ZNF587: variants seen among roughly 807,000 people sequenced by gnomAD.
ZNF587 encodes the protein zinc finger protein 587, also known as zinc finger protein zfp6.
A neutral mutation model predicts 7.5 loss-of-function variants in ZNF587; 8 were observed. That is an observed-to-expected ratio of 1.06 (90% CI 0.62 to 1.92). ZNF587 has a LOEUF of 1.92. ZNF587 is among the 40% of genes most tolerant of loss of function. The pLI, the probability that ZNF587 is intolerant of heterozygous loss-of-function variation, is 0.00. For missense variants in ZNF587, 468 were observed against 692.8 expected (o/e 0.68, Z 3.64); for synonymous variants, 145 against 237.8 (o/e 0.61, Z 3.59).
intron 2 of ZNF587, chr19:57,858,339 C>G: frequency 1.5e-6 from 1 of 670,918 alleles, no homozygotes; most frequent in South Asian, 2.1e-5. Context: ...GTTGTTCATG[C>G]TGGTCTTGAA....
chr19:57,859,807 G>A lies in ZNF587; in HGVS notation c.1395G>A (p.Ala465=), dbSNP rs61735222. ...ERVHTGERPY[A]CEVCGKLFGN... Reference sequence around the variant, plus strand: ...TTCACACTGGAGAAAGGCCATATGCGTGTGAGGTATGTGGGAAATTATTTG... The same window carrying A: ...TTCACACTGGAGAAAGGCCATATGCATGTGAGGTATGTGGGAAATTATTTG... Residue 465 remains alanine, a synonymous_variant, in exon 3 of 3, where the codon GCG becomes GCA. Coordinates refer to ENST00000339656, the MANE Select transcript of ZNF587 (RefSeq NM_032828.4). 7,389 of 1,613,898 alleles carry A rather than the reference G, an allele frequency of 4.6e-3. 290 individuals are homozygous for A. In the African/African-American group the frequency reaches 0.087, roughly 19 times the overall value.
intron 1 of ZNF587, among the ~76,000 whole-genome samples, chr19:57,855,123 G>C (rs758945767): frequency 1.4e-4 from 21 of 152,002 alleles, no homozygotes; most frequent in Non-Finnish European, 4.4e-5. Context: ...GGCAGAGCTT[G>C]CACTGAGCTG....
chr19:57,859,521 A>G lies in ZNF587; in HGVS notation c.1109A>G (p.His370Arg), dbSNP rs753356793. 2 of 1,613,868 alleles carry G rather than the reference A, an allele frequency of 1.2e-6. No individual in the cohort carries two copies. Among genetic ancestry groups the G allele is most frequent in the Non-Finnish European group, 1.7e-6 (2 of 1,179,962 alleles). Residue 370 changes from histidine to arginine, a missense_variant, in exon 3 of 3, where the codon CAT becomes CGT. Physicochemically the swap from His to Arg is conservative, Grantham distance 29 (BLOSUM62 0). Transcript: ENST00000339656. ...CGTCAGAAGTTCTGCTTTATTAACC[A>G]TCAGCGTGTTCACACTGGAGAAAGG... ...SFRQKFCFINHQRVHTGERPY... is the reference protein window; with the variant it reads ...SFRQKFCFINRQRVHTGERPY...
At chr19:57,852,171 C>A in intron 1 of ZNF587, 1 of 393,390 alleles carries the variant, frequency 2.5e-6, no homozygotes, top group Admixed American at 4.4e-5. Context: ...ATCCGAGGAC[C>A]CTGGAGAATC....
rs912509249 is a variant in ZNF587 at position 57,863,236 on chromosome 19, G to C, written c.*3096G>C. ...GATTCAAGCACTTCTCCTTGCCTCA[G>C]CCACCTCTTTAGCTGGGATTACAGG... is the stretch of plus-strand genomic sequence containing the variant. On this transcript the variant is annotated 3_prime_UTR_variant, in exon 3 of 3. Transcript: ENST00000339656. 1 of 152,234 alleles carries C rather than the reference G, an allele frequency of 6.6e-6. No homozygotes were observed. Among genetic ancestry groups the C allele is most frequent in the African/African-American group, 2.4e-5 (1 of 41,430 alleles). The allele number at this position is 152,234 out of a possible 1,614,324, so 9.4% of individuals were successfully genotyped here. A position where few individuals can be genotyped will look rare whatever the true frequency, so the allele number is the denominator to read the frequency against.
intron 1 of ZNF587, among the ~76,000 whole-genome samples, chr19:57,852,541 C>T (rs11084520): frequency 0.99 from 149,434 of 150,384 alleles, 74,247 homozygotes; most frequent in African/African-American, 1. Context: ...TTTTTTTTTT[C>T]TTAACGTGGA....
At chr19:57,851,520 T>A (rs1432263650) in intron 1 of ZNF587, 1 of 153,376 alleles carries the variant, frequency 6.5e-6, no homozygotes, top group African/African-American at 2.4e-5. Flanking sequence ...CGGTTTCACC[T>A]GTTTCTGACA....
chr19:57,850,334 G>A, intron 1 of ZNF587: 1 of 632,822 alleles, frequency 1.6e-6, no homozygotes, highest in Non-Finnish European at 2.7e-6. Flanking sequence ...GGAGACAGGA[G>A]TTTTATTATT....
rs758312805 is a variant in ZNF587, at chr19:57,860,152, A to G, written c.*12A>G. The G allele has an allele frequency of 6.8e-6, 11 of 1,613,912 alleles. No individual in the cohort carries two copies. In the African/African-American group the frequency reaches 1.5e-4, roughly 22 times the overall value. ...GAAAGGCCTTATGAGTGCAGTGAAT[A>G]TGGGAAATCGTTTGCTGAAGCATCC... On this transcript the variant is annotated 3_prime_UTR_variant, in exon 3 of 3. Coordinates refer to ENST00000339656, the MANE Select transcript of ZNF587 (RefSeq NM_032828.4).
In ZNF587 at chr19:57,852,204, C is replaced by T. The variant is rs1489602568; in HGVS notation, c.33+2133C>T. 2.4e-5 allele frequency: 9 copies of T among 374,570 alleles called. No homozygotes were observed. In the Admixed American group the frequency reaches 4.5e-4, roughly 19 times the overall value. The allele number at this position is 374,570 out of a possible 1,614,324, so 23.2% of individuals were successfully genotyped here. On this transcript the variant is annotated intron_variant, in intron 1 of 2. Transcript: ENST00000339656. ...ATCTCTGAAGCCAGGATACCAAGTC[C>T]ATGACAGGTTATATGGAGGTATTCC... is the stretch of plus-strand genomic sequence containing the variant.
At position 57,850,028 on chromosome 19, in the gene ZNF587, C is replaced by G. The variant is rs199739385; in HGVS notation, c.-11C>G. On this transcript the variant is annotated 5_prime_UTR_variant, in exon 1 of 3. Transcript: ENST00000339656. ...CCACTGCTCCCGGGCCGTGCTTCCC[C>G]AAGTAGTCCGATGGCAGCGGCTGTG... 5 of 1,614,258 alleles carry G rather than the reference C, an allele frequency of 3.1e-6. No homozygotes were observed. In the East Asian group the frequency reaches 1.1e-4, roughly 36 times the overall value.
At chr19:57,855,955 C>G in intron 1 of ZNF587, 149 bp from the exon 2 acceptor site, 1 of 1,365,700 alleles carries the variant, frequency 7.3e-7, no homozygotes, top group Non-Finnish European at 1.0e-6. Flanking sequence ...CCAGCAGGCC[C>G]ATGAAGAGAC....
intron 1 of ZNF587, 141 bp from the exon 2 acceptor site, chr19:57,855,963 G>C: frequency 1.4e-6 from 2 of 1,438,780 alleles, no homozygotes; most frequent in Non-Finnish European, 1.9e-6. Flanking sequence ...CCCATGAAGA[G>C]ACAAAGGCAC....
intron 2 of ZNF587, 180 bp from the exon 3 acceptor site, chr19:57,858,396 G>C: frequency 1.5e-6 from 2 of 1,297,666 alleles, no homozygotes; most frequent in South Asian, 3.2e-5. Context: ...CAAAGTGCTG[G>C]GATTACAGGT....
At chr19:57,852,010 C>T (rs1222432437) in intron 1 of ZNF587, 1 of 249,222 alleles carries the variant, frequency 4.0e-6, no homozygotes, top group East Asian at 7.2e-5. Flanking sequence ...TCTGCCTTTC[C>T]CCTCAGGCAC....
chr19:57,851,090 T>C (rs2071275394), intron 1 of ZNF587: 1 of 152,036 alleles, frequency 6.6e-6, no homozygotes, highest in African/African-American at 2.4e-5. Flanking sequence ...ACTTTTCTCC[T>C]CAGAGGCCGC....
intron 1 of ZNF587, chr19:57,851,437 G>A (rs1475833017): frequency 6.6e-6 from 1 of 152,240 alleles, no homozygotes; most frequent in Non-Finnish European, 1.5e-5. Flanking sequence ...CTGAAAGGTT[G>A]GAAGCAAGAT....
intron 2 of ZNF587, among the ~76,000 whole-genome samples, chr19:57,857,614 G>GTATA (rs148150934): frequency 2.1e-4 from 31 of 150,864 alleles, no homozygotes; most frequent in African/African-American, 6.1e-4. Context: ...GTGTGTATGT[G>GTATA]TATATATATA....
chr19:57,851,583 G>T, intron 1 of ZNF587: 1 of 153,814 alleles, frequency 6.5e-6, no homozygotes, highest in South Asian at 1.8e-4. Context: ...TGCAGGCAAT[G>T]GCCTGCAGAT....
Sources: gnomAD v4.1 joint callset for allele counts (sites outside exome capture counted in the v4.1 genomes callset) on GRCh38, gnomAD v4.1.1 for gene constraint, MANE v1.5 for transcripts, NCBI Gene and HGNC (gene_info 2026-07-23, HGNC 2026-07-21) for gene names.